The following TYR variants were observed in gnomAD, a reference collection of about 807,000 sequenced individuals.
TYR encodes tyrosinase.
Under a neutral mutation model 51.5 loss-of-function variants are expected in TYR, and 58 were observed. That is an observed-to-expected ratio of 1.13 (90% CI 0.91 to 1.40). The LOEUF is 1.40. Among genes scored for constraint, TYR ranks in the 40% most tolerant of loss-of-function variants. The pLI is 0.00. For synonymous variants in TYR, 263 were observed against 235.2 expected, an observed-to-expected ratio of 1.12 and a Z score of -1.08; for missense variants, 732 against 647.4, an observed-to-expected ratio of 1.13 and a Z score of -1.42.
At chr11:89,232,784 C>T (rs1384415083) in intron 3 of TYR, among the ~76,000 whole-genome samples, 1 of 142,710 alleles carries the variant, frequency 7.0e-6, no homozygotes, top group Non-Finnish European at 1.5e-5. Flanking sequence ...CTCATTATGC[C>T]TAAAAAGCAA....
At chr11:89,188,513 A>C (rs1943404501) in intron 1 of TYR, among the ~76,000 whole-genome samples, 1 of 152,086 alleles carries the variant, frequency 6.6e-6, no homozygotes, top group South Asian at 2.1e-4. Context: ...GTGGGAAAGT[A>C]GGGAGAGATG....
At position 89,247,560 on chromosome 11, in the gene TYR, T is replaced by C. The variant is rs1303250466; in HGVS notation, c.1184+19590T>C. On this transcript the variant is annotated intron_variant, in intron 3 of 4. Coordinates refer to ENST00000263321, the MANE Select transcript of TYR (RefSeq NM_000372.5). ...AAGTTAAATTGCTTAAATTAAAATA[T>C]TGATAACTTAAAAAGCTTAAAGGCA... Among the ~76,000 whole-genome samples, 9 of 152,310 alleles carry C rather than the reference T, an allele frequency of 5.9e-5. No homozygotes were observed. The South Asian group carries it at 1.0e-3, about 18-fold the overall frequency.
chr11:89,237,496 A>C (rs1944132956), intron 3 of TYR, among the ~76,000 whole-genome samples: 1 of 152,184 alleles, frequency 6.6e-6, no homozygotes, highest in African/African-American at 2.4e-5. Context: ...TTGAAAATCA[A>C]TCATAAATGC....
intron 4 of TYR, 133 bp downstream of exon 4, chr11:89,285,087 AATTT>A (rs1944768206): frequency 2.7e-6 from 2 of 753,652 alleles, no homozygotes; most frequent in Non-Finnish European, 2.2e-6. Context: ...TATAATCCTT[AATTT>A]ATTACCAGTT....
intron 4 of TYR, among the ~76,000 whole-genome samples, chr11:89,288,986 G>A (rs1300803377): frequency 3.3e-5 from 5 of 151,914 alleles, no homozygotes; most frequent in Non-Finnish European, 7.4e-5. Context: ...CTGTAAAAAG[G>A]CAGCTGATGT....
At chr11:89,208,153 C>T (rs1191623898) in intron 2 of TYR, among the ~76,000 whole-genome samples, 1 of 152,172 alleles carries the variant, frequency 6.6e-6, no homozygotes, top group African/African-American at 2.4e-5. Flanking sequence ...ACCTGTAGTA[C>T]TAGCTACTCG....
chr11:89,178,714 G>T lies in TYR; in HGVS notation c.761G>T (p.Gly254Val). The T allele has an allele frequency of 1.2e-6, 2 of 1,614,084 alleles. No individual in the cohort carries two copies. The highest frequency in any genetic ancestry group is 1.7e-6 in the Non-Finnish European group (2 of 1,180,002). ...CDICTDEYMG[G>V]QHPTNPNLLS... ...ATTTGCACAGATGAGTACATGGGAG[G>T]TCAGCACCCCACAAATCCTAACTTA... Residue 254 changes from glycine (G) to valine (V), a missense_variant, in exon 1 of 5, where the codon GGT becomes GTT. By Grantham distance (109) the Gly-to-Val change is moderately radical (BLOSUM62 -3). Coordinates refer to ENST00000263321, the MANE Select transcript of TYR (RefSeq NM_000372.5).
intron 3 of TYR, among the ~76,000 whole-genome samples, chr11:89,275,411 C>A (rs1214297078): frequency 6.6e-6 from 1 of 151,876 alleles, no homozygotes; most frequent in Non-Finnish European, 1.5e-5. Context: ...CCTAGCTCTG[C>A]CACCTGGGTG....
intron 3 of TYR, among the ~76,000 whole-genome samples, chr11:89,234,919 T>A (rs1017297711): frequency 6.6e-6 from 1 of 151,798 alleles, no homozygotes; most frequent in Non-Finnish European, 1.5e-5. Context: ...AGTAACACAC[T>A]TGCCAAACAC....
chr11:89,266,771 T>C (rs1344937718), intron 3 of TYR, among the ~76,000 whole-genome samples: 1 of 151,970 alleles, frequency 6.6e-6, no homozygotes, highest in Non-Finnish European at 1.5e-5. Flanking sequence ...TTTCTCATTT[T>C]CTGAAGCAGA....
At chr11:89,254,652 G>A (rs1404535837) in intron 3 of TYR, among the ~76,000 whole-genome samples, 1 of 151,676 alleles carries the variant, frequency 6.6e-6, no homozygotes, top group Non-Finnish European at 1.5e-5. Context: ...TTGTATTTCT[G>A]TAGCATCAGT....
intron 2 of TYR, among the ~76,000 whole-genome samples, chr11:89,194,819 T>C (rs1352538683): frequency 2.0e-5 from 3 of 152,212 alleles, no homozygotes; most frequent in African/African-American, 4.8e-5. Context: ...CTGGTTCTTA[T>C]GTCTCCATTT....
At chr11:89,245,050 A>T (rs1263033243) in intron 3 of TYR, among the ~76,000 whole-genome samples, 1 of 152,238 alleles carries the variant, frequency 6.6e-6, no homozygotes, top group Non-Finnish European at 1.5e-5. Context: ...CTAGCATAAG[A>T]TAGTCAATGA....
chr11:89,190,789 G>A (rs1943432620), intron 1 of TYR, among the ~76,000 whole-genome samples: 1 of 151,836 alleles, frequency 6.6e-6, no homozygotes, highest in Non-Finnish European at 1.5e-5. Context: ...ATACAAGTAT[G>A]CCATTTAAAA....
intron 1 of TYR, among the ~76,000 whole-genome samples, chr11:89,190,083 C>T (rs1287733699): frequency 6.6e-6 from 1 of 152,104 alleles, no homozygotes; most frequent in East Asian, 1.9e-4. Context: ...GCATTATGTA[C>T]ACTACATAAT....
chr11:89,204,979 A>G (rs1369472087), intron 2 of TYR, among the ~76,000 whole-genome samples: 1 of 152,216 alleles, frequency 6.6e-6, no homozygotes, highest in Non-Finnish European at 1.5e-5. Context: ...AATAGATTTA[A>G]AACACTCATT....
Position 89,284,759 on chromosome 11 carries a change from C to T in TYR, c.1185-14C>T. The T allele has an allele frequency of 1.2e-6, 2 of 1,610,606 alleles. No homozygotes were observed. The highest frequency in any genetic ancestry group is 1.3e-5 in the African/African-American group (1 of 74,796). On this transcript the variant is annotated splice_polypyrimidine_tract_variant and intron_variant, in intron 3 of 4. Transcript: ENST00000263321. ...CAATATGTTTCTTAGTCTGAATAACCTTTTCCTCTGCAGTATTTTTGAGCA... is the reference window on the plus strand; with the variant it reads ...CAATATGTTTCTTAGTCTGAATAACTTTTTCCTCTGCAGTATTTTTGAGCA...
At chr11:89,294,812 T>C (rs1944888421) in intron 4 of TYR, among the ~76,000 whole-genome samples, 1 of 152,206 alleles carries the variant, frequency 6.6e-6, no homozygotes, top group African/African-American at 2.4e-5. Context: ...ATCGGAATAG[T>C]TACAACATCC....
intron 2 of TYR, chr11:89,192,109 G>C: frequency 2.8e-6 from 1 of 353,480 alleles, no homozygotes; most frequent in Non-Finnish European, 5.5e-6. Flanking sequence ...TAAGTTTTCT[G>C]TTCTTCATCA....
Sources: allele counts gnomAD v4.1 joint callset (sites outside exome capture counted in the v4.1 genomes callset), GRCh38; gene constraint gnomAD v4.1.1; transcripts MANE v1.5; gene names NCBI Gene and HGNC (gene_info 2026-07-23, HGNC 2026-07-21).